IVD: variants seen among roughly 807,000 people sequenced by gnomAD.
IVD encodes the protein isovaleryl-CoA dehydrogenase.
In IVD, 31 loss-of-function variants were observed where a neutral mutation model predicts 51.3. That is an observed-to-expected ratio of 0.60 (90% CI 0.45 to 0.81). The LOEUF (loss-of-function observed/expected upper bound fraction) is 0.81, where lower values mean the gene tolerates loss of function less well. IVD is among the 40% of genes least tolerant of loss of function. IVD has a pLI of 0.00. For missense variants in IVD, 475 were observed against 552.0 expected (o/e 0.86, Z 1.40); for synonymous variants, 205 against 219.4 (o/e 0.93, Z 0.58).
At chr15:40,410,927 A>G in intron 4 of IVD, 130 bp downstream of exon 4, 1 of 1,137,130 alleles carries the variant, frequency 8.8e-7, no homozygotes, top group Non-Finnish European at 1.3e-6. Context: ...TGTGGTTAGG[A>G]AGGGGCCATG....
In IVD at chr15:40,407,744, G is replaced by A. The variant is rs752097277; in HGVS notation, c.234+19G>A. The A allele has an allele frequency of 6.3e-7, 1 of 1,599,434 alleles. No homozygotes were observed. The highest frequency in any genetic ancestry group is 2.2e-5 in the East Asian group (1 of 44,810). ...CCTGCGAGTGAGTTGGGAGGTCCGG[G>A]CAGTCGGGGGCAGTCAGGGAGTGGG... is the stretch of plus-strand genomic sequence containing the variant. On this transcript the variant is annotated intron_variant, in intron 2 of 11. Transcript: ENST00000487418.
intron 5 of IVD, 100 bp downstream of exon 5, chr15:40,411,453 A>G: frequency 1.2e-6 from 2 of 1,602,484 alleles, no homozygotes; most frequent in Non-Finnish European, 1.7e-6. Flanking sequence ...GGGTTTCCAG[A>G]ACTTTCTCAA....
At chr15:40,433,531 G>C (rs1893099292) in intron 7 of IVD, among the ~76,000 whole-genome samples, 1 of 152,138 alleles carries the variant, frequency 6.6e-6, no homozygotes, top group Admixed American at 6.5e-5. Flanking sequence ...CACAGCACTG[G>C]GAGTTCCTCA....
chr15:40,420,437 T>C lies in IVD; in HGVS notation c.*2174T>C. On this transcript the variant is annotated 3_prime_UTR_variant, in exon 12 of 12. Transcript: ENST00000487418. ...TGCTGCCATTTTGTATTAAATATAT[T>C]GTGAAACAAACCTATCTGGGGAGAA... 1.0e-6 allele frequency: 1 copy of C among 987,680 alleles called. No individual in the cohort carries two copies. The highest frequency in any genetic ancestry group is 1.2e-6 in the Non-Finnish European group (1 of 830,128). The allele number at this position is 987,680 out of a possible 1,614,324, so 61.2% of individuals were successfully genotyped here. A position where few individuals can be genotyped will look rare whatever the true frequency, so the allele number is the denominator to read the frequency against.
chr15:40,406,519 C>T (rs1307346863), intron 1 of IVD, among the ~76,000 whole-genome samples: 3 of 152,174 alleles, frequency 2.0e-5, no homozygotes, highest in African/African-American at 7.2e-5. Context: ...GGAGGCCAGG[C>T]GCCGTGGCTC....
chr15:40,428,375 C>G (rs144260161), downstream of IVD, among the ~76,000 whole-genome samples: 87 of 152,178 alleles, frequency 5.7e-4, no homozygotes, highest in Non-Finnish European at 1.0e-3. Context: ...TTCCCAGCCC[C>G]TCTCTCCCAG....
intron 6 of IVD, chr15:40,412,694 G>A (rs1891206596): frequency 9.6e-6 from 4 of 414,606 alleles, no homozygotes; most frequent in South Asian, 8.6e-5. Flanking sequence ...TGTCCCCTGG[G>A]GGAGGGAAAT....
chr15:40,407,944 T>C lies in IVD; in HGVS notation c.240T>C (p.Phe80=). 1 of 1,614,086 alleles carries C rather than the reference T, an allele frequency of 6.2e-7. No individual in the cohort carries two copies. Among genetic ancestry groups the C allele is most frequent in the Non-Finnish European group, 8.5e-7 (1 of 1,179,960 alleles). The part of the protein sequence containing the change: ...RSNEFKNLRE[F]WKQLGNLGVL... Reference sequence around the variant, plus strand: ...CTGCTCCATTCTGTTGGCAGGAATTTTGGAAGCAGCTGGGGAACCTGGGCG... The same window carrying C: ...CTGCTCCATTCTGTTGGCAGGAATTCTGGAAGCAGCTGGGGAACCTGGGCG... The change falls in exon 3 of 12, where the codon TTT becomes TTC. Residue 80 remains phenylalanine (F), a synonymous_variant. Transcript: ENST00000487418.
At chr15:40,434,577 A>G (rs1363483555) in intron 8 of IVD, among the ~76,000 whole-genome samples, 2 of 152,192 alleles carry the variant, frequency 1.3e-5, no homozygotes, top group Non-Finnish European at 2.9e-5. Context: ...ATGGTCAGGA[A>G]TGTGTGAGGA....
At chr15:40,422,844 C>T (rs1292822426), downstream of IVD, among the ~76,000 whole-genome samples, 1 of 149,322 alleles carries the variant, frequency 6.7e-6, no homozygotes, top group Admixed American at 6.8e-5. Context: ...AATTGATCCA[C>T]CGGCCTCAGC....
At chr15:40,416,046 C>T (rs1158339619) in intron 9 of IVD, 32 bp from the exon 10 acceptor site, 2 of 1,598,040 alleles carry the variant, frequency 1.3e-6, no homozygotes, top group East Asian at 2.2e-5. Context: ...AGTGTTCCAG[C>T]ATGTTGACCT....
Position 40,418,120 on chromosome 15 carries a change from C to G in IVD, c.1139-10C>G. On this transcript the variant is annotated splice_polypyrimidine_tract_variant and intron_variant, in intron 11 of 11. Coordinates refer to ENST00000487418, the MANE Select transcript of IVD (RefSeq NM_002225.5). ...ACTTCCTTTCTTCTCTGCCCAAACC[C>G]TGGTTGCAGGTGGCAATGGCTACAT... is the stretch of plus-strand genomic sequence containing the variant. 6.2e-7 allele frequency: 1 copy of G among 1,614,030 alleles called. No homozygotes were observed. The highest frequency in any genetic ancestry group is 8.5e-7 in the Non-Finnish European group (1 of 1,179,982).
chr15:40,420,846 G>A lies in IVD; in HGVS notation c.*2583G>A, dbSNP rs1328436599. The A allele has an allele frequency of 2.0e-6, 2 of 985,408 alleles. No homozygotes were observed. Among genetic ancestry groups the A allele is most frequent in the East Asian group, 1.1e-4 (1 of 8,838 alleles). The allele number at this position is 985,408 out of a possible 1,614,324, so 61.0% of individuals were successfully genotyped here. On this transcript the variant is annotated 3_prime_UTR_variant, in exon 12 of 12. Transcript: ENST00000487418. ...CGCACTGTACAGCAGTCTGGATAGA[G>A]TGTGATCTGAGAAGGGAATGGGTCT... is the stretch of plus-strand genomic sequence containing the variant.
downstream of IVD, among the ~76,000 whole-genome samples, chr15:40,422,168 G>A (rs1353128161): frequency 6.6e-6 from 1 of 152,220 alleles, no homozygotes; most frequent in Non-Finnish European, 1.5e-5. Flanking sequence ...CTTTGCCTGG[G>A]GTTCAAGGCC....
chr15:40,412,239 T>C (rs1184568726), intron 6 of IVD, among the ~76,000 whole-genome samples: 1 of 151,918 alleles, frequency 6.6e-6, no homozygotes, highest in African/African-American at 2.4e-5. Context: ...CAGAACACAA[T>C]GGTGAGCTGG....
chr15:40,434,602 G>C (rs529651290), intron 8 of IVD, among the ~76,000 whole-genome samples: 1 of 152,332 alleles, frequency 6.6e-6, no homozygotes, highest in African/African-American at 2.4e-5. Context: ...ACAACTTGGA[G>C]TGCATAGAGT....
At position 40,416,061 on chromosome 15, in the gene IVD, C is replaced by T; in HGVS notation, c.961-17C>T. ...AGTGTTCCAGCATGTTGACCTGTGA[C>T]ATCCCTTTGTGCCCAGTTGATGCAG... On this transcript the variant is annotated splice_polypyrimidine_tract_variant and intron_variant, in intron 9 of 11. Transcript: ENST00000487418. The T allele has an allele frequency of 1.2e-6, 2 of 1,612,320 alleles. No homozygotes were observed. The highest frequency in any genetic ancestry group is 1.7e-6 in the Non-Finnish European group (2 of 1,178,346).
downstream of IVD, among the ~76,000 whole-genome samples, chr15:40,428,181 C>CAA (rs796217209): frequency 2.7e-4 from 20 of 73,576 alleles, no homozygotes; most frequent in African/African-American, 7.4e-4. Context: ...GACTCCGTGT[C>CAA]AAAAAAAAAA....
intron 1 of IVD, 72 bp downstream of exon 1, chr15:40,406,043 T>C: frequency 6.6e-7 from 1 of 1,518,710 alleles, no homozygotes; most frequent in African/African-American, 1.4e-5. Flanking sequence ...CCTTCCTGCC[T>C]GGTCCCCATC....
Sources: allele counts gnomAD v4.1 joint callset (sites outside exome capture counted in the v4.1 genomes callset), GRCh38; gene constraint gnomAD v4.1.1; transcripts MANE v1.5; gene names NCBI Gene and HGNC (gene_info 2026-07-23, HGNC 2026-07-21).